Variants in C9orf50 observed in about 807,000 individuals in gnomAD.
C9orf50 encodes chromosome 9 open reading frame 50.
Under a neutral mutation model 42.5 loss-of-function variants are expected in C9orf50, and 33 were observed. The ratio of observed to expected loss-of-function variants is 0.78; its 90% CI spans 0.59 to 1.04. The LOEUF (loss-of-function observed/expected upper bound fraction) is 1.04, where lower values mean the gene tolerates loss of function less well. C9orf50 is among the 50% of genes least tolerant of loss of function. The pLI is 0.00. For missense variants in C9orf50, 547 were observed against 594.3 expected (o/e 0.92, Z 0.83); for synonymous variants, 257 against 273.4 (o/e 0.94, Z 0.59).
exon 4 of C9orf50, chr9:129,615,512 C>T (rs146441613): frequency 1.7e-4 from 279 of 1,606,440 alleles, no homozygotes; most frequent in Non-Finnish European, 2.1e-4. Context: ...AGTAGCGGAG[C>T]GTTGTGTCCT....
chr9:129,620,054 CGCGGGGCCT>C lies in C9orf50; in HGVS notation c.508+4_508+12del. 1 of 1,454,098 alleles carries C rather than the reference CGCGGGGCCT, an allele frequency of 6.9e-7. No individual in the cohort carries two copies. The highest frequency in any genetic ancestry group is 2.5e-5 in the East Asian group (1 of 40,062). The allele number at this position is 1,454,098 out of a possible 1,614,324, so 90.1% of individuals were successfully genotyped here. A position where few individuals can be genotyped will look rare whatever the true frequency, so the allele number is the denominator to read the frequency against. On this transcript the variant is annotated splice_donor_5th_base_variant and intron_variant, in intron 1 of 6. Coordinates refer to ENST00000372478, the Ensembl canonical transcript of C9orf50. The surrounding 1 kb of genome is among the most constrained non-coding windows in gnomAD (Gnocchi z 5.8). ...TGACTCGGGCCCGCCCCCCGGGCCC[CGCGGGGCCT>C]CACTCAGTGGCTCCGGCTCCTCGGC...
chr9:129,620,764 T>C lies in C9orf50; in HGVS notation c.-190A>G. On this transcript the variant is annotated 5_prime_UTR_variant, in exon 1 of 7. An upstream open reading frame in the 5' UTR loses its in-frame stop. Transcript: ENST00000372478. This position sits in a 1 kb window ranked among gnomAD's most constrained non-coding sequence, Gnocchi z 5.8. ...GAGAGCTCCCAGAGCCTCTGTTTCC[T>C]CACCTGAAAAATGGTGACAGCAAGA... 1 of 464,954 alleles carries C rather than the reference T, an allele frequency of 2.2e-6. No homozygotes were observed. Among genetic ancestry groups the C allele is most frequent in the Non-Finnish European group, 3.5e-6 (1 of 288,426 alleles). The allele number at this position is 464,954 out of a possible 1,614,324, so 28.8% of individuals were successfully genotyped here.
chr9:129,618,450 G>A (rs1029533332), intron 3 of C9orf50, among the ~76,000 whole-genome samples: 4 of 152,050 alleles, frequency 2.6e-5, no homozygotes, highest in African/African-American at 4.8e-5. Context: ...GGACTGATGG[G>A]TGAGTTAATG....
chr9:129,617,270 C>T lies in C9orf50; in HGVS notation c.717-1623G>A, dbSNP rs572788762. Among the ~76,000 whole-genome samples the T allele has an allele frequency of 1.2e-4, 19 of 152,318 alleles. No homozygotes were observed. The South Asian group carries it at 3.3e-3, about 27-fold the overall frequency. ...TTTCATCAGCCTCCAAAGAGCCAAG[C>T]AGTTGGGAGGTGTCAGGACAGTGCC... On this transcript the variant is annotated intron_variant, in intron 3 of 6. Transcript: ENST00000372478.
chr9:129,612,341 G>A (rs369285736), exon 7 of C9orf50: 22 of 1,611,666 alleles, frequency 1.4e-5, no homozygotes, highest in Non-Finnish European at 1.7e-5. Flanking sequence ...TTGGGTTCGC[G>A]AGTGTTCACC....
intron 6 of C9orf50, 124 bp downstream of exon 6, chr9:129,612,983 A>G: frequency 1.6e-6 from 2 of 1,235,040 alleles, no homozygotes; most frequent in Non-Finnish European, 2.2e-6. Flanking sequence ...CCCCACGGTG[A>G]CTTGGCTCTC....
At chr9:129,619,124 A>T (rs77594518) in intron 3 of C9orf50, among the ~76,000 whole-genome samples, 5,174 of 152,218 alleles carry the variant, frequency 0.034, 133 homozygotes, top group Non-Finnish European at 0.054. Flanking sequence ...GTATGGATGG[A>T]TGGAGTCATG....
At chr9:129,612,228 T>G (rs1588107116) in exon 7 of C9orf50, 1 of 772,026 alleles carries the variant, frequency 1.3e-6, no homozygotes, top group East Asian at 2.7e-5. Context: ...GAAAGGCTTG[T>G]GGTGTGACAC....
rs545080374 is a variant in C9orf50 at position 129,615,656 on chromosome 9, G to A, written c.717-9C>T. The A allele has an allele frequency of 2.6e-6, 4 of 1,536,820 alleles. No individual in the cohort carries two copies. The highest frequency in any genetic ancestry group is 2.3e-5 in the East Asian group (1 of 42,764). On this transcript the variant is annotated splice_polypyrimidine_tract_variant and intron_variant, in intron 3 of 6. Coordinates refer to ENST00000372478, the Ensembl canonical transcript of C9orf50. ...GTGCACCGTGGGGCCTGCTGAGAGAGGGGAGAGGGGCCTGTGCTCGAAGCC... is the reference window on the plus strand; with the variant it reads ...GTGCACCGTGGGGCCTGCTGAGAGAAGGGAGAGGGGCCTGTGCTCGAAGCC...
At chr9:129,615,846 C>A (rs73630880) in intron 3 of C9orf50, among the ~76,000 whole-genome samples, 199 bp from the exon 4 acceptor site, 99 of 152,360 alleles carry the variant, frequency 6.5e-4, no homozygotes, top group African/African-American at 2.2e-3. Flanking sequence ...CATACACCAA[C>A]CCACCAAATG....
Position 129,619,515 on chromosome 9 carries a change from C to G in C9orf50, c.716+5G>C, listed in dbSNP as rs1461330071. ...TACCCTACCCTTATCCCGCCCATCA[C>G]TCACTGGTTGGCCTTTCTGACAGTG... On this transcript the variant is annotated splice_donor_5th_base_variant and intron_variant, in intron 3 of 6. Coordinates refer to ENST00000372478, the Ensembl canonical transcript of C9orf50. The G allele has an allele frequency of 8.1e-6, 13 of 1,605,934 alleles. No homozygotes were observed. Among genetic ancestry groups the G allele is most frequent in the Middle Eastern group, 1.7e-4 (1 of 6,052 alleles).
intron 3 of C9orf50, 91 bp downstream of exon 3, chr9:129,619,429 A>G: frequency 1.1e-6 from 1 of 909,376 alleles, no homozygotes; most frequent in South Asian, 1.6e-5. Flanking sequence ...AGGTGGATAA[A>G]TGAATACATT....
In C9orf50 at chr9:129,613,125, C is replaced by T. The variant is rs770607053; in HGVS notation, c.1170G>A (p.Pro390=). ...TGCCCACCTGCTCCAGGTTTCTGTGCGGGTCCAAGAAGGCTCGGAGGCTGC... is the reference window on the plus strand; with the variant it reads ...TGCCCACCTGCTCCAGGTTTCTGTGTGGGTCCAAGAAGGCTCGGAGGCTGC... The change falls in exon 6 of 7, where the codon CCG becomes CCA. Residue 390 remains proline, a synonymous_variant. Transcript: ENST00000372478. This position sits in a 1 kb window ranked among gnomAD's most constrained non-coding sequence, Gnocchi z 6.2. 21 of 1,613,740 alleles carry T rather than the reference C, an allele frequency of 1.3e-5. No individual in the cohort carries two copies. The highest frequency in any genetic ancestry group is 1.6e-4 in the Middle Eastern group (1 of 6,070).
At chr9:129,621,153 T>C (rs113840862), upstream of C9orf50, among the ~76,000 whole-genome samples, 818 of 152,318 alleles carry the variant, frequency 5.4e-3, 11 homozygotes, top group African/African-American at 0.019. Context: ...GTTACCGTCA[T>C]TAGCGCTCTA....
chr9:129,615,543 C>T (rs779020875), exon 4 of C9orf50: 52 of 1,610,674 alleles, frequency 3.2e-5, no homozygotes, highest in South Asian at 2.0e-4. Context: ...GTCAGCGAAT[C>T]GCACCCGGAA....
At chr9:129,618,871 T>G (rs1387314877) in intron 3 of C9orf50, among the ~76,000 whole-genome samples, 113 of 99,494 alleles carry the variant, frequency 1.1e-3, no homozygotes, top group Admixed American at 2.4e-3. Context: ...TTTTTGTGTT[T>G]TTTTTTTTTT....
intron 4 of C9orf50, 141 bp downstream of exon 4, chr9:129,615,343 C>T (rs896728775): frequency 9.2e-5 from 86 of 930,298 alleles, no homozygotes; most frequent in Non-Finnish European, 1.2e-4. Flanking sequence ...GAGGCCAGTT[C>T]AGGCACATCC....
rs372754318 is a variant in C9orf50, at chr9:129,613,410, C to T, written c.1043+25G>A. On this transcript the variant is annotated intron_variant, in intron 5 of 6. Coordinates refer to ENST00000372478, the Ensembl canonical transcript of C9orf50. This position sits in a 1 kb window ranked among gnomAD's most constrained non-coding sequence, Gnocchi z 6.2. ...GAGGGCCCTGGCAATGTCCACGAGT[C>T]CCATCCGCTTCCCTGGAGCCTCACA... 358 of 1,610,498 alleles carry T rather than the reference C, an allele frequency of 2.2e-4. 5 individuals carry two copies. The East Asian group carries it at 5.0e-3, about 22-fold the overall frequency.
At chr9:129,615,621 C>T (rs918165) in exon 4 of C9orf50, 691,842 of 1,585,252 alleles carry the variant, frequency 0.44, 155,644 homozygotes, top group African/African-American at 0.68. Flanking sequence ...AGCCTTGAGC[C>T]TGGGGACCTG....
Sources: gnomAD v4.1 joint callset for allele counts (sites outside exome capture counted in the v4.1 genomes callset) on GRCh38, gnomAD v4.1.1 for gene constraint, Gnocchi (gnomAD v3.1) non-coding constraint, MANE v1.5 for transcripts, NCBI Gene and HGNC (gene_info 2026-07-23, HGNC 2026-07-21) for gene names.